The following FOLR1 variants were observed in gnomAD, a reference collection of about 807,000 sequenced individuals.
FOLR1 encodes folate receptor alpha.
In FOLR1, 11 loss-of-function variants were observed where a neutral mutation model predicts 22.8. The ratio of observed to expected loss-of-function variants is 0.48; its 90% CI spans 0.30 to 0.80. FOLR1 has a LOEUF of 0.80. FOLR1 is among the 30% of genes least tolerant of loss of function. The probability of loss-of-function intolerance (pLI) is 0.06; values close to 1 mark genes in which losing one functional copy is unlikely to be tolerated. For synonymous variants in FOLR1, 108 were observed against 116.5 expected (o/e 0.93, Z 0.47); for missense variants, 273 against 320.3 (o/e 0.85, Z 1.13).
At chr11:72,193,414 G>T (rs1948183173) in intron 1 of FOLR1, among the ~76,000 whole-genome samples, 1 of 151,562 alleles carries the variant, frequency 6.6e-6, no homozygotes. Flanking sequence ...AGGAAAGGGA[G>T]GGAGGCAAGG....
chr11:72,195,297 C>T lies in FOLR1; in HGVS notation c.195C>T (p.Cys65=). The T allele has an allele frequency of 6.2e-7, 1 of 1,614,176 alleles. No homozygotes were observed. The highest frequency in any genetic ancestry group is 8.5e-7 in the Non-Finnish European group (1 of 1,180,022). ...EQCRPWRKNA[C]CSTNTSQEAH... is the part of the protein sequence containing the mutation. Reference sequence around the variant, plus strand: ...GTCGACCCTGGAGGAAGAATGCCTGCTGTTCTACCAACACCAGCCAGGAAG... The same window carrying T: ...GTCGACCCTGGAGGAAGAATGCCTGTTGTTCTACCAACACCAGCCAGGAAG... Residue 65 remains cysteine, a synonymous_variant, in exon 2 of 4, where the codon TGC becomes TGT. Coordinates refer to ENST00000393676, the MANE Select transcript of FOLR1 (RefSeq NM_016729.3).
At chr11:72,192,766 T>TA (rs1356493058) in intron 1 of FOLR1, among the ~76,000 whole-genome samples, 1 of 145,470 alleles carries the variant, frequency 6.9e-6, no homozygotes. Flanking sequence ...CAAAGCATTC[T>TA]TTTTTTTTTT....
In FOLR1 at chr11:72,195,719, C is replaced by T. The variant is rs138747753; in HGVS notation, c.465C>T (p.Asn155=). Reference sequence around the variant, plus strand: ...GCACCTCCTACACCTGCAAGAGCAACTGGCACAAGGGCTGGAACTGGACTT... The same window carrying T: ...GCACCTCCTACACCTGCAAGAGCAATTGGCACAAGGGCTGGAACTGGACTT... ...DCRTSYTCKS[N]WHKGWNWTSG... Residue 155 remains asparagine (N), a synonymous_variant, in exon 3 of 4, where the codon AAC becomes AAT. Transcript: ENST00000393676. 6.8e-6 allele frequency: 11 copies of T among 1,614,080 alleles called. No individual in the cohort carries two copies. The highest frequency in any genetic ancestry group is 9.3e-6 in the Non-Finnish European group (11 of 1,180,048).
chr11:72,195,832 T>C (rs1948223531), intron 3 of FOLR1, 65 bp from the exon 4 acceptor site: 5 of 1,613,912 alleles, frequency 3.1e-6, no homozygotes, highest in South Asian at 2.2e-5. Flanking sequence ...TTTGGAGTTG[T>C]AGGGCTGGCA....
chr11:72,190,776 G>A (rs886745138), upstream of FOLR1: 1 of 152,420 alleles, frequency 6.6e-6, no homozygotes, highest in African/African-American at 2.4e-5. Context: ...AGAGCTGCTG[G>A]GTGGGAATTC....
Sources: allele counts gnomAD v4.1 joint callset (sites outside exome capture counted in the v4.1 genomes callset), GRCh38; gene constraint gnomAD v4.1.1; transcripts MANE v1.5; gene names NCBI Gene and HGNC (gene_info 2026-07-23, HGNC 2026-07-21).